Variants in CCM2 observed in about 807,000 individuals in gnomAD.
CCM2 encodes the protein CCM2 scaffold protein, also known as cerebral cavernous malformations 2 protein.
In CCM2, 25 loss-of-function variants were observed where a neutral mutation model predicts 44.9. The ratio of observed to expected loss-of-function variants is 0.56; its 90% CI spans 0.41 to 0.78. The LOEUF is 0.78. Ranked by LOEUF, CCM2 falls within the 30% of genes least tolerant of loss-of-function variation. CCM2 has a pLI of 0.00. For synonymous variants in CCM2, 219 were observed against 241.1 expected (o/e 0.91, Z 0.85); for missense variants, 481 against 580.6 (o/e 0.83, Z 1.76).
At chr7:45,054,262 T>TG (rs969468921) in intron 2 of CCM2, among the ~76,000 whole-genome samples, 1 of 151,954 alleles carries the variant, frequency 6.6e-6, no homozygotes, top group Non-Finnish European at 1.5e-5. Flanking sequence ...AAGGAGTGTG[T>TG]GGGGGGCTTC....
intron 2 of CCM2, among the ~76,000 whole-genome samples, chr7:45,054,032 C>G (rs921937012): frequency 2.0e-5 from 3 of 152,034 alleles, no homozygotes; most frequent in African/African-American, 7.3e-5. Context: ...TAGTACATGC[C>G]GTAGTAGAGA....
chr7:45,031,493 C>T (rs1468716530), intron 1 of CCM2, among the ~76,000 whole-genome samples: 1 of 152,060 alleles, frequency 6.6e-6, no homozygotes, highest in Non-Finnish European at 1.5e-5. Flanking sequence ...ATTCTCTCCC[C>T]CCAGTCTTTC....
At chr7:45,059,381 G>A (rs1398620931) in intron 2 of CCM2, among the ~76,000 whole-genome samples, 1 of 150,862 alleles carries the variant, frequency 6.6e-6, no homozygotes. Context: ...CTAGGAGTTT[G>A]AGACTAGCCT....
At chr7:45,050,954 G>A (rs903652275) in intron 2 of CCM2, among the ~76,000 whole-genome samples, 4 of 152,052 alleles carry the variant, frequency 2.6e-5, no homozygotes, top group South Asian at 2.1e-4. Context: ...TCATAGACTC[G>A]GGTTAATTTC....
intron 2 of CCM2, among the ~76,000 whole-genome samples, chr7:45,043,343 GAAAT>G (rs1797601351): frequency 6.6e-6 from 1 of 152,110 alleles, no homozygotes. Flanking sequence ...AAAATTAAAA[GAAAT>G]AACAGACACC....
intron 1 of CCM2, among the ~76,000 whole-genome samples, chr7:45,023,805 T>TTG (rs1562868319): frequency 1.8e-4 from 24 of 135,368 alleles, no homozygotes; most frequent in South Asian, 7.4e-4. Context: ...TTTTTTTTTT[T>TTG]TTTTTTTTTT....
chr7:45,067,399 G>A (rs1486802086), intron 4 of CCM2, among the ~76,000 whole-genome samples: 3 of 148,008 alleles, frequency 2.0e-5, no homozygotes, highest in Non-Finnish European at 4.5e-5. Flanking sequence ...CTGACCTCAG[G>A]TGATCCACCC....
chr7:45,069,314 T>C (rs540800289), intron 5 of CCM2, among the ~76,000 whole-genome samples: 1 of 152,342 alleles, frequency 6.6e-6, no homozygotes, highest in Admixed American at 6.5e-5. Flanking sequence ...GCTTCTCCCC[T>C]TGTGACAGCT....
At chr7:45,035,056 G>A (rs773169675) in intron 1 of CCM2, among the ~76,000 whole-genome samples, 3 of 151,916 alleles carry the variant, frequency 2.0e-5, no homozygotes, top group Non-Finnish European at 4.4e-5. Flanking sequence ...GGCTGGTCTT[G>A]AATCCCTGAG....
At chr7:45,048,334 A>G (rs1457062592) in intron 2 of CCM2, among the ~76,000 whole-genome samples, 1 of 152,266 alleles carries the variant, frequency 6.6e-6, no homozygotes, top group African/African-American at 2.4e-5. Context: ...TTAATCCCAC[A>G]TACTCCAGTG....
chr7:45,015,819 C>T (rs1796242961), intron 1 of CCM2, among the ~76,000 whole-genome samples: 1 of 152,218 alleles, frequency 6.6e-6, no homozygotes, highest in Admixed American at 6.5e-5. Context: ...CCGTCTTGTC[C>T]TTGACATGCA....
intron 1 of CCM2, among the ~76,000 whole-genome samples, chr7:45,026,791 C>T (rs183516164): frequency 6.6e-5 from 10 of 151,998 alleles, no homozygotes; most frequent in African/African-American, 2.2e-4. Flanking sequence ...TCAGTAGAGA[C>T]GGGGTTTCAC....
At chr7:45,027,319 G>A (rs150483730) in intron 1 of CCM2, 35 of 347,308 alleles carry the variant, frequency 1.0e-4, no homozygotes, top group African/African-American at 6.6e-4. Context: ...CCAGGAAATG[G>A]TAGCCCCTCA....
chr7:45,074,215 C>CTGCCGACTCT, intron 8 of CCM2, 55 bp from the exon 9 acceptor site: 1 of 1,611,576 alleles, frequency 6.2e-7, no homozygotes, highest in Non-Finnish European at 8.5e-7. Flanking sequence ...GTGGGCCCGA[C>CTGCCGACTCT]TGCCGACTCT....
intron 1 of CCM2, among the ~76,000 whole-genome samples, chr7:45,033,160 C>T (rs995775444): frequency 5.9e-5 from 9 of 151,812 alleles, no homozygotes; most frequent in East Asian, 1.9e-4. Flanking sequence ...TACAGATGGC[C>T]GTCCTGGTTT....
At chr7:45,025,843 T>C (rs1303993280) in intron 1 of CCM2, among the ~76,000 whole-genome samples, 1 of 152,188 alleles carries the variant, frequency 6.6e-6, no homozygotes, top group Non-Finnish European at 1.5e-5. Flanking sequence ...CGTTTTCTCT[T>C]TTTCATAGCT....
At chr7:45,070,288 T>G (rs1224246491) in intron 6 of CCM2, 1 of 384,256 alleles carries the variant, frequency 2.6e-6, no homozygotes, top group East Asian at 6.5e-5. Context: ...CTCCTAGCAC[T>G]GGGGCCTGTG....
At chr7:45,010,085 A>G (rs1037406447) in intron 1 of CCM2, among the ~76,000 whole-genome samples, 1 of 151,626 alleles carries the variant, frequency 6.6e-6, no homozygotes, top group African/African-American at 2.4e-5. Context: ...AATTTTTTTT[A>G]TTTTTTGTAG....
intron 1 of CCM2, among the ~76,000 whole-genome samples, chr7:45,011,345 C>T (rs779583211): frequency 1.3e-5 from 2 of 151,646 alleles, no homozygotes; most frequent in South Asian, 2.1e-4. Context: ...TACAGGTGCC[C>T]GCCACCACAC....
Sources: allele counts gnomAD v4.1 joint callset (sites outside exome capture counted in the v4.1 genomes callset), GRCh38; gene constraint gnomAD v4.1.1; transcripts MANE v1.5; gene names NCBI Gene and HGNC (gene_info 2026-07-23, HGNC 2026-07-21).